CSNK1G3: variants seen among roughly 807,000 people sequenced by gnomAD.
The protein encoded by CSNK1G3 is casein kinase 1 gamma 3.
In CSNK1G3, 23 loss-of-function variants were observed where a neutral mutation model predicts 64.3. The ratio of observed to expected loss-of-function variants is 0.36; its 90% CI spans 0.26 to 0.51. CSNK1G3 has a LOEUF of 0.51. CSNK1G3 is among the 20% of genes least tolerant of loss of function. The pLI, the probability that CSNK1G3 is intolerant of heterozygous loss-of-function variation, is 0.96. For synonymous variants in CSNK1G3, 158 were observed against 162.2 expected (o/e 0.97, Z 0.20); for missense variants, 357 against 510.5 (o/e 0.70, Z 2.90).
chr5:123,573,364 T>A lies in CSNK1G3; in HGVS notation c.290-29T>A, dbSNP rs1336747059. ...AACCTTAGTATTTAAGATGATGAAATTATTAAATGAGTATTTCTTTTCCCC... is the reference window on the plus strand; with the variant it reads ...AACCTTAGTATTTAAGATGATGAAAATATTAAATGAGTATTTCTTTTCCCC... On this transcript the variant is annotated intron_variant, in intron 4 of 12. Transcript: ENST00000345990. 3 of 1,605,546 alleles carry A rather than the reference T, an allele frequency of 1.9e-6. No homozygotes were observed. In the African/African-American group the frequency reaches 4.0e-5, roughly 21 times the overall value.
At chr5:123,525,045 G>C (rs112821687) in intron 1 of CSNK1G3, among the ~76,000 whole-genome samples, 14 of 152,258 alleles carry the variant, frequency 9.2e-5, no homozygotes, top group African/African-American at 3.1e-4. Flanking sequence ...ATATGCACTG[G>C]CTTTGTGCTC....
chr5:123,579,066 G>A (rs373951415), intron 6 of CSNK1G3, among the ~76,000 whole-genome samples: 1 of 151,748 alleles, frequency 6.6e-6, no homozygotes, highest in African/African-American at 2.4e-5. Flanking sequence ...CACAGATTTG[G>A]ACAGAATCTT....
chr5:123,588,663 C>T, intron 8 of CSNK1G3, 152 bp downstream of exon 8: 2 of 619,066 alleles, frequency 3.2e-6, no homozygotes, highest in Non-Finnish European at 5.7e-6. Context: ...GCCGAACCCA[C>T]AGGGACACTT....
At chr5:123,558,228 A>G (rs1784998855) in intron 4 of CSNK1G3, among the ~76,000 whole-genome samples, 1 of 152,208 alleles carries the variant, frequency 6.6e-6, no homozygotes, top group Admixed American at 6.5e-5. Flanking sequence ...GTTGTAAGCC[A>G]CCAAATTTGT....
At chr5:123,545,653 G>T in exon 2 of CSNK1G3, 5 of 1,608,262 alleles carry the variant, frequency 3.1e-6, no homozygotes, top group Non-Finnish European at 2.6e-6. Flanking sequence ...GTGGAGTACC[G>T]CAAACTTGAT....
chr5:123,595,685 T>G (rs1435682665), intron 10 of CSNK1G3, among the ~76,000 whole-genome samples: 1 of 152,086 alleles, frequency 6.6e-6, no homozygotes, highest in African/African-American at 2.4e-5. Flanking sequence ...TATTAAATAC[T>G]CCCCTCAATA....
At chr5:123,533,166 G>C (rs1209075439) in intron 1 of CSNK1G3, among the ~76,000 whole-genome samples, 1 of 151,598 alleles carries the variant, frequency 6.6e-6, no homozygotes, top group African/African-American at 2.4e-5. Flanking sequence ...AAATTTTTAG[G>C]TTATCTCTTA....
intron 1 of CSNK1G3, among the ~76,000 whole-genome samples, chr5:123,530,234 TGAAAC>T (rs1217836068): frequency 4.6e-5 from 7 of 152,164 alleles, no homozygotes; most frequent in Non-Finnish European, 1.0e-4. Context: ...TGAGGACCTA[TGAAAC>T]GGTCGTATTG....
intron 6 of CSNK1G3, among the ~76,000 whole-genome samples, chr5:123,578,384 CCT>C (rs2150776625): frequency 6.6e-6 from 1 of 151,660 alleles, no homozygotes; most frequent in East Asian, 1.9e-4. Context: ...TCTTTTAATT[CCT>C]TGTGATTATT....
intron 10 of CSNK1G3, among the ~76,000 whole-genome samples, chr5:123,598,850 G>A (rs1793924938): frequency 6.6e-6 from 1 of 152,088 alleles, no homozygotes; most frequent in Admixed American, 6.6e-5. Flanking sequence ...CTAAATGAGG[G>A]ATACAGCTGT....
intron 4 of CSNK1G3, among the ~76,000 whole-genome samples, chr5:123,563,849 CT>C (rs1163931124): frequency 2.6e-5 from 4 of 151,928 alleles, no homozygotes; most frequent in African/African-American, 9.7e-5. Flanking sequence ...TAGACTATTG[CT>C]TACTGTATTT....
At chr5:123,536,600 G>C (rs1780864467) in intron 1 of CSNK1G3, among the ~76,000 whole-genome samples, 1 of 151,930 alleles carries the variant, frequency 6.6e-6, no homozygotes, top group Non-Finnish European at 1.5e-5. Flanking sequence ...TTGAGATGAT[G>C]CCTATGCTAA....
exon 13 of CSNK1G3, chr5:123,614,455 T>G: frequency 6.7e-7 from 1 of 1,503,708 alleles, no homozygotes; most frequent in East Asian, 2.3e-5. Flanking sequence ...GTCTTGTGAT[T>G]AAAATCATCT....
intron 1 of CSNK1G3, among the ~76,000 whole-genome samples, chr5:123,530,436 A>G (rs962159350): frequency 3.5e-4 from 54 of 152,176 alleles, no homozygotes; most frequent in Non-Finnish European, 5.9e-5. Context: ...TAGCTTTTAA[A>G]CTGTAGAAAT....
At chr5:123,521,129 A>G (rs539070362) in intron 1 of CSNK1G3, among the ~76,000 whole-genome samples, 1 of 152,258 alleles carries the variant, frequency 6.6e-6, no homozygotes, top group Non-Finnish European at 1.5e-5. Context: ...AGTAGGTGTC[A>G]GTTTTAGATG....
At chr5:123,532,269 A>G (rs1439225475) in intron 1 of CSNK1G3, among the ~76,000 whole-genome samples, 3 of 151,860 alleles carry the variant, frequency 2.0e-5, no homozygotes, top group South Asian at 2.1e-4. Context: ...TTAGTATTAC[A>G]TAGTTTTATT....
intron 4 of CSNK1G3, among the ~76,000 whole-genome samples, chr5:123,562,476 A>G (rs1369282834): frequency 6.6e-6 from 1 of 152,078 alleles, no homozygotes; most frequent in African/African-American, 2.4e-5. Context: ...ACTAACAATA[A>G]TAGACTGTTT....
intron 1 of CSNK1G3, among the ~76,000 whole-genome samples, chr5:123,526,978 C>G (rs1043611105): frequency 1.3e-5 from 2 of 151,686 alleles, no homozygotes; most frequent in African/African-American, 4.8e-5. Flanking sequence ...AACTGCCAAA[C>G]TATTTTTCAA....
At chr5:123,600,189 T>A (rs1425740966) in intron 10 of CSNK1G3, among the ~76,000 whole-genome samples, 1 of 152,206 alleles carries the variant, frequency 6.6e-6, no homozygotes, top group Non-Finnish European at 1.5e-5. Context: ...TTTAAAAAGC[T>A]GAATACATAA....
Sources: allele counts gnomAD v4.1 joint callset (sites outside exome capture counted in the v4.1 genomes callset), GRCh38; gene constraint gnomAD v4.1.1; transcripts MANE v1.5; gene names NCBI Gene and HGNC (gene_info 2026-07-23, HGNC 2026-07-21).